Variants in DENND1A observed in about 807,000 individuals in gnomAD.
The protein encoded by DENND1A is DENN domain-containing protein 1A.
DENND1A carries 51 observed loss-of-function variants against 113.7 expected under a neutral mutation model. The observed-to-expected ratio is 0.45, with a 90% CI of 0.36 to 0.57. The LOEUF (loss-of-function observed/expected upper bound fraction) is 0.57, where lower values mean the gene tolerates loss of function less well. DENND1A is among the 20% of genes least tolerant of loss of function. The pLI is 0.00. For missense variants in DENND1A, 1,258 were observed against 1,395.9 expected, an observed-to-expected ratio of 0.90 and a Z score of 1.57; for synonymous variants, 565 against 570.8, an observed-to-expected ratio of 0.99 and a Z score of 0.14.
At chr9:123,646,405 AAG>A (rs1284062015) in intron 9 of DENND1A, among the ~76,000 whole-genome samples, 2 of 152,200 alleles carry the variant, frequency 1.3e-5, no homozygotes, top group Non-Finnish European at 2.9e-5. Context: ...GATACGGGTC[AAG>A]AAAGTTTTGT....
intron 12 of DENND1A, among the ~76,000 whole-genome samples, chr9:123,582,152 G>T (rs2058930267): frequency 6.6e-6 from 1 of 152,136 alleles, no homozygotes; most frequent in African/African-American, 2.4e-5. Context: ...GTTCTAGATG[G>T]TCTAGGAAAA....
chr9:123,472,298 G>C (rs572849165), intron 13 of DENND1A, among the ~76,000 whole-genome samples: 5 of 152,308 alleles, frequency 3.3e-5, no homozygotes, highest in Admixed American at 3.3e-4. Flanking sequence ...CCAAGGACCA[G>C]GAAGAAGCAA....
At chr9:123,916,606 C>T (rs1855191026) in intron 1 of DENND1A, among the ~76,000 whole-genome samples, 1 of 152,030 alleles carries the variant, frequency 6.6e-6, no homozygotes, top group Admixed American at 6.6e-5. Flanking sequence ...CTCCCGACCT[C>T]AGGTGATCTG....
chr9:123,517,239 C>CA (rs934308306), intron 13 of DENND1A, among the ~76,000 whole-genome samples: 3 of 146,450 alleles, frequency 2.0e-5, no homozygotes, highest in African/African-American at 7.6e-5. Flanking sequence ...GGCAACAGAG[C>CA]AAGACTCCGT....
intron 5 of DENND1A, among the ~76,000 whole-genome samples, chr9:123,745,721 A>G (rs1455092185): frequency 6.6e-6 from 1 of 152,258 alleles, no homozygotes; most frequent in Non-Finnish European, 1.5e-5. Flanking sequence ...GAAACAGTCC[A>G]AATGGCCACC....
intron 13 of DENND1A, among the ~76,000 whole-genome samples, chr9:123,480,397 G>A (rs1421641176): frequency 1.3e-5 from 2 of 152,186 alleles, no homozygotes; most frequent in African/African-American, 4.8e-5. Flanking sequence ...CACACCTCTT[G>A]ACATTAGCCC....
At chr9:123,797,411 ATAGTC>A (rs1305033403) in intron 2 of DENND1A, among the ~76,000 whole-genome samples, 1 of 152,212 alleles carries the variant, frequency 6.6e-6, no homozygotes, top group East Asian at 1.9e-4. Context: ...CTTTCAGAAA[ATAGTC>A]TAAGAAGTTG....
At chr9:123,483,969 G>A (rs2050574287) in intron 13 of DENND1A, among the ~76,000 whole-genome samples, 1 of 152,170 alleles carries the variant, frequency 6.6e-6, no homozygotes, top group South Asian at 2.1e-4. Context: ...TAGCAAACGG[G>A]TTAGTGTCTC....
intron 13 of DENND1A, among the ~76,000 whole-genome samples, chr9:123,503,398 C>G (rs1266939618): frequency 1.3e-5 from 2 of 152,130 alleles, no homozygotes; most frequent in Non-Finnish European, 2.9e-5. Context: ...CTTCAAAGAG[C>G]CATGGAAATC....
intron 13 of DENND1A, among the ~76,000 whole-genome samples, chr9:123,532,224 T>C (rs2055379351): frequency 1.3e-5 from 2 of 152,228 alleles, no homozygotes; most frequent in African/African-American, 4.8e-5. Context: ...CTATATTTCC[T>C]AAAATCAAGA....
chr9:123,392,145 G>A (rs542147260), intron 21 of DENND1A, among the ~76,000 whole-genome samples: 19 of 152,142 alleles, frequency 1.2e-4, no homozygotes, highest in African/African-American at 3.9e-4. Flanking sequence ...TCAGAGACAC[G>A]GCGTCAGGAA....
chr9:123,663,156 T>C (rs1230146936), intron 8 of DENND1A, among the ~76,000 whole-genome samples: 1 of 152,136 alleles, frequency 6.6e-6, no homozygotes, highest in Non-Finnish European at 1.5e-5. Flanking sequence ...AAGTATGTCA[T>C]TAAAAAGGAA....
chr9:123,828,537 C>A lies in DENND1A; in HGVS notation c.89-35907G>T, dbSNP rs868706232. Reference sequence around the variant, plus strand: ...AATCAGATCCCAGATTTAAGAAACACTCTAAACCTCAAGCAGGACAAATGC... The same window carrying A: ...AATCAGATCCCAGATTTAAGAAACAATCTAAACCTCAAGCAGGACAAATGC... On this transcript the variant is annotated intron_variant, in intron 2 of 23. Coordinates refer to ENST00000394215, the MANE Select transcript of DENND1A (RefSeq NM_001352964.2). Among the ~76,000 whole-genome samples, 3 of 151,482 alleles carry A rather than the reference C, an allele frequency of 2.0e-5. No homozygotes were observed. In the South Asian group the frequency reaches 6.2e-4, roughly 31 times the overall value.
chr9:123,390,199 GTTC>G (rs1373914375), intron 21 of DENND1A, among the ~76,000 whole-genome samples: 6 of 152,262 alleles, frequency 3.9e-5, no homozygotes, highest in Non-Finnish European at 7.3e-5. Context: ...GGCCTGCCTT[GTTC>G]TTCTCTTTCT....
At chr9:123,817,800 G>T (rs921331418) in intron 2 of DENND1A, among the ~76,000 whole-genome samples, 4 of 152,144 alleles carry the variant, frequency 2.6e-5, no homozygotes, top group African/African-American at 9.7e-5. Context: ...GCCGAGGTGG[G>T]TGGATCACCT....
At chr9:123,616,034 A>G (rs542297953) in intron 10 of DENND1A, among the ~76,000 whole-genome samples, 1 of 152,138 alleles carries the variant, frequency 6.6e-6, no homozygotes, top group Admixed American at 6.5e-5. Context: ...GGTTCAAGTG[A>G]TTCTCCTGCC....
chr9:123,897,552 G>C (rs1850953886), intron 1 of DENND1A, among the ~76,000 whole-genome samples: 1 of 152,194 alleles, frequency 6.6e-6, no homozygotes, highest in Non-Finnish European at 1.5e-5. Flanking sequence ...GTACACAGCA[G>C]AGCAGGGTTA....
chr9:123,740,514 T>A (rs2131067854), intron 5 of DENND1A, among the ~76,000 whole-genome samples: 1 of 152,206 alleles, frequency 6.6e-6, no homozygotes, highest in East Asian at 1.9e-4. Flanking sequence ...GGTAGCAAAG[T>A]CTTTGAGACC....
chr9:123,536,229 G>T (rs1194008837), intron 13 of DENND1A, among the ~76,000 whole-genome samples: 1 of 152,110 alleles, frequency 6.6e-6, no homozygotes, highest in Non-Finnish European at 1.5e-5. Context: ...CGGCACTTTG[G>T]GAGGCCGAGG....
Sources: allele counts gnomAD v4.1 joint callset (sites outside exome capture counted in the v4.1 genomes callset), GRCh38; gene constraint gnomAD v4.1.1; transcripts MANE v1.5; gene names NCBI Gene and HGNC (gene_info 2026-07-23, HGNC 2026-07-21).